The following SDHAF3 variants were observed in gnomAD, a reference collection of about 807,000 sequenced individuals.
SDHAF3 encodes succinate dehydrogenase complex assembly factor 3.
Under a neutral mutation model 11.5 loss-of-function variants are expected in SDHAF3, and 18 were observed. The ratio of observed to expected loss-of-function variants is 1.56; its 90% CI spans 1.08 to 2.32. The LOEUF (loss-of-function observed/expected upper bound fraction) is 2.32, where lower values mean the gene tolerates loss of function less well. Among genes scored for constraint, SDHAF3 ranks in the 30% most tolerant of loss-of-function variants. The pLI is 0.00. For synonymous variants in SDHAF3, 72 were observed against 59.3 expected, an observed-to-expected ratio of 1.21 and a Z score of -0.99; for missense variants, 200 against 154.4, an observed-to-expected ratio of 1.30 and a Z score of -1.57.
chr7:97,166,348 G>A (rs917017275), intron 1 of SDHAF3, among the ~76,000 whole-genome samples: 4 of 152,160 alleles, frequency 2.6e-5, no homozygotes, highest in Non-Finnish European at 4.4e-5. Context: ...TCTGGAAAGC[G>A]GGAAGAACTC....
intron 1 of SDHAF3, among the ~76,000 whole-genome samples, chr7:97,162,063 GT>G (rs1174101846): frequency 6.6e-6 from 1 of 152,172 alleles, no homozygotes; most frequent in African/African-American, 2.4e-5. Context: ...GTGTAAAAGT[GT>G]TCCTATTTCT....
intron 1 of SDHAF3, among the ~76,000 whole-genome samples, chr7:97,155,995 C>T (rs1789295779): frequency 1.3e-5 from 2 of 152,028 alleles, no homozygotes; most frequent in Non-Finnish European, 1.5e-5. Context: ...AAGTATGGTA[C>T]GTGTGTCATA....
chr7:97,161,540 C>T (rs999649786), intron 1 of SDHAF3, among the ~76,000 whole-genome samples: 2 of 152,090 alleles, frequency 1.3e-5, no homozygotes, highest in Non-Finnish European at 2.9e-5. Flanking sequence ...CCCATCAACC[C>T]GTCACCTACA....
At chr7:97,121,059 A>G (rs1029565661) in intron 1 of SDHAF3, among the ~76,000 whole-genome samples, 3 of 152,192 alleles carry the variant, frequency 2.0e-5, no homozygotes. Flanking sequence ...AAGTTCAGGA[A>G]GAGTTTTTGG....
chr7:97,142,345 G>T lies in SDHAF3; in HGVS notation c.174+24448G>T, dbSNP rs79395649. 1.8e-4 allele frequency among the ~76,000 whole-genome samples: 27 copies of T among 152,092 alleles called. No homozygotes were observed. In the East Asian group the frequency reaches 4.3e-3, roughly 24 times the overall value. ...TAGGATTACAGGCGTGAGCCACCGC[G>T]CCTGGCCTGAATTGTAGTGTTTATA... On this transcript the variant is annotated intron_variant, in intron 1 of 1. Transcript: ENST00000432641.
At chr7:97,133,427 G>A (rs1453254596) in intron 1 of SDHAF3, among the ~76,000 whole-genome samples, 3 of 152,152 alleles carry the variant, frequency 2.0e-5, no homozygotes, top group Admixed American at 1.3e-4. Flanking sequence ...GTAGGCGTGA[G>A]AGCTTTTTTC....
chr7:97,144,230 T>C (rs1463852423), intron 1 of SDHAF3, among the ~76,000 whole-genome samples: 1 of 152,244 alleles, frequency 6.6e-6, no homozygotes, highest in Non-Finnish European at 1.5e-5. Context: ...TGATTCTGGT[T>C]ATTAGACCTT....
chr7:97,128,208 C>T (rs1454099685), intron 1 of SDHAF3, among the ~76,000 whole-genome samples: 1 of 152,130 alleles, frequency 6.6e-6, no homozygotes, highest in Non-Finnish European at 1.5e-5. Flanking sequence ...TGGTCCTTAA[C>T]TAATGGTTTA....
At chr7:97,137,046 T>C (rs1788932726) in intron 1 of SDHAF3, among the ~76,000 whole-genome samples, 2 of 152,218 alleles carry the variant, frequency 1.3e-5, no homozygotes, top group African/African-American at 4.8e-5. Flanking sequence ...TGGTTGTTTG[T>C]TTTTCAGGGC....
chr7:97,159,361 C>CT (rs1340513998), intron 1 of SDHAF3, among the ~76,000 whole-genome samples: 1 of 152,182 alleles, frequency 6.6e-6, no homozygotes, highest in East Asian at 1.9e-4. Flanking sequence ...CTTTTCAAAG[C>CT]TTTATTCACC....
At chr7:97,147,767 T>C (rs1228717344) in intron 1 of SDHAF3, among the ~76,000 whole-genome samples, 1 of 152,218 alleles carries the variant, frequency 6.6e-6, no homozygotes, top group Non-Finnish European at 1.5e-5. Context: ...ATAAATTGTG[T>C]ACGCACCACC....
chr7:97,138,618 A>G (rs1182023180), intron 1 of SDHAF3, among the ~76,000 whole-genome samples: 1 of 152,212 alleles, frequency 6.6e-6, no homozygotes, highest in African/African-American at 2.4e-5. Context: ...GACCTTGGGT[A>G]ATTTGATTAA....
At chr7:97,120,978 A>G (rs1297756504) in intron 1 of SDHAF3, among the ~76,000 whole-genome samples, 1 of 152,242 alleles carries the variant, frequency 6.6e-6, no homozygotes, top group Non-Finnish European at 1.5e-5. Context: ...TTTTAAGTAT[A>G]GAAATGTAAA....
chr7:97,124,861 T>G (rs1031366482), intron 1 of SDHAF3, among the ~76,000 whole-genome samples: 3 of 152,238 alleles, frequency 2.0e-5, no homozygotes, highest in Non-Finnish European at 4.4e-5. Context: ...CCTGAGATTT[T>G]GCTGAAGTTG....
intron 1 of SDHAF3, among the ~76,000 whole-genome samples, chr7:97,137,617 T>C (rs1204979967): frequency 6.6e-6 from 1 of 152,192 alleles, no homozygotes; most frequent in African/African-American, 2.4e-5. Context: ...TTATGGATAT[T>C]AGTACATAGT....
chr7:97,167,277 C>T (rs941987877), intron 1 of SDHAF3, among the ~76,000 whole-genome samples: 10 of 152,100 alleles, frequency 6.6e-5, no homozygotes, highest in African/African-American at 2.2e-4. Context: ...AGCACTTCCC[C>T]CCTTGGCTCT....
intron 1 of SDHAF3, among the ~76,000 whole-genome samples, chr7:97,139,445 C>T (rs917267584): frequency 6.6e-6 from 1 of 152,102 alleles, no homozygotes; most frequent in Non-Finnish European, 1.5e-5. Context: ...CAAAAGTAGG[C>T]ATGACAGTGT....
At chr7:97,158,890 A>G (rs941532984) in intron 1 of SDHAF3, among the ~76,000 whole-genome samples, 4 of 152,238 alleles carry the variant, frequency 2.6e-5, no homozygotes, top group African/African-American at 9.6e-5. Flanking sequence ...AAATTGTTAC[A>G]GTGTAAGGCT....
intron 1 of SDHAF3, among the ~76,000 whole-genome samples, chr7:97,157,238 G>T (rs1160618645): frequency 6.6e-6 from 1 of 152,114 alleles, no homozygotes; most frequent in Non-Finnish European, 1.5e-5. Flanking sequence ...TTCCTGAGTT[G>T]ATTCTTTTTT....
Sources: allele counts gnomAD v4.1 joint callset (sites outside exome capture counted in the v4.1 genomes callset), GRCh38; gene constraint gnomAD v4.1.1; transcripts MANE v1.5; gene names NCBI Gene and HGNC (gene_info 2026-07-23, HGNC 2026-07-21).